The following CTCF variants were observed in gnomAD, a reference collection of about 807,000 sequenced individuals.
CTCF encodes the protein CCCTC-binding factor, also known as transcriptional repressor CTCF.
In CTCF, 7 loss-of-function variants were observed where a neutral mutation model predicts 72.3. The observed-to-expected ratio is 0.10, with a 90% confidence interval of 0.06 to 0.18. The LOEUF is 0.18. Among genes scored for constraint, CTCF ranks in the 10% least tolerant of loss-of-function variants. CTCF has a pLI of 1.00. For synonymous variants in CTCF, 374 were observed against 315.8 expected, an observed-to-expected ratio of 1.18 and a Z score of -1.95; for missense variants, 516 against 949.1, an observed-to-expected ratio of 0.54 and a Z score of 6.00.
At chr16:67,578,061 A>G (rs117432677) in intron 2 of CTCF, among the ~76,000 whole-genome samples, 1 of 152,292 alleles carries the variant, frequency 6.6e-6, no homozygotes, top group Non-Finnish European at 1.5e-5. Context: ...TTGACTTTGC[A>G]CTTTTATTAA....
intron 2 of CTCF, among the ~76,000 whole-genome samples, chr16:67,579,191 G>A (rs1188264704): frequency 6.6e-6 from 1 of 151,430 alleles, no homozygotes; most frequent in Non-Finnish European, 1.5e-5. Context: ...GGAGGTGGAG[G>A]TTGCAGTGAG....
chr16:67,591,529 A>AG (rs2051743826), intron 2 of CTCF, among the ~76,000 whole-genome samples: 1 of 152,180 alleles, frequency 6.6e-6, no homozygotes, highest in Non-Finnish European at 1.5e-5. Flanking sequence ...ATGTATTTTA[A>AG]GCTCTCAGAT....
intron 2 of CTCF, among the ~76,000 whole-genome samples, chr16:67,593,768 A>C (rs1257179954): frequency 6.6e-6 from 1 of 152,182 alleles, no homozygotes; most frequent in Non-Finnish European, 1.5e-5. Context: ...AATGGATAGT[A>C]AGCAGTATAT....
intron 11 of CTCF, 83 bp from the exon 12 acceptor site, chr16:67,637,605 C>T (rs1313170922): frequency 3.5e-6 from 4 of 1,133,752 alleles, no homozygotes; most frequent in Middle Eastern, 4.7e-4. Flanking sequence ...TGCTGACATC[C>T]CGTTCGCTGT....
intron 2 of CTCF, among the ~76,000 whole-genome samples, chr16:67,598,111 G>T (rs779736766): frequency 1.1e-4 from 16 of 151,984 alleles, no homozygotes; most frequent in Admixed American, 6.6e-5. Flanking sequence ...AGGTAGCTGG[G>T]ACTACAGGCA....
intron 8 of CTCF, chr16:67,627,987 C>T (rs2052314160): frequency 6.2e-6 from 1 of 160,468 alleles, no homozygotes; most frequent in African/African-American, 2.5e-5. Context: ...CGCAGCTACT[C>T]AAGAGGCTGA....
chr16:67,617,801 A>G (rs1391849676), intron 5 of CTCF, among the ~76,000 whole-genome samples: 12 of 152,224 alleles, frequency 7.9e-5, no homozygotes, highest in Non-Finnish European at 1.5e-4. Context: ...TTGAAGCTAC[A>G]CTGTTACCAA....
At chr16:67,596,159 G>A (rs182794788) in intron 2 of CTCF, among the ~76,000 whole-genome samples, 2 of 152,130 alleles carry the variant, frequency 1.3e-5, no homozygotes, top group East Asian at 3.9e-4. Flanking sequence ...TCACCATGTT[G>A]GTCAGGATGG....
chr16:67,618,169 T>C (rs574837382), intron 5 of CTCF, among the ~76,000 whole-genome samples: 2 of 151,872 alleles, frequency 1.3e-5, no homozygotes, highest in South Asian at 2.1e-4. Flanking sequence ...CTTTGGGAGG[T>C]TGAGGTGGGC....
At chr16:67,634,866 C>A (rs2052409543) in intron 10 of CTCF, among the ~76,000 whole-genome samples, 1 of 151,460 alleles carries the variant, frequency 6.6e-6, no homozygotes, top group Admixed American at 6.6e-5. Flanking sequence ...CCACACCTAG[C>A]TAATTTTTGT....
At chr16:67,596,554 G>T (rs2051817769) in intron 2 of CTCF, among the ~76,000 whole-genome samples, 2 of 151,526 alleles carry the variant, frequency 1.3e-5, no homozygotes, top group African/African-American at 4.8e-5. Context: ...ACATGTTTTT[G>T]TCATACATAA....
chr16:67,583,120 G>T (rs2051612384), intron 2 of CTCF, among the ~76,000 whole-genome samples: 1 of 151,512 alleles, frequency 6.6e-6, no homozygotes, highest in African/African-American at 2.4e-5. Context: ...AAGTAGCTGG[G>T]ATTACAGGCA....
At chr16:67,620,634 TAC>T in intron 5 of CTCF, 61 bp from the exon 6 acceptor site, 1 of 1,400,256 alleles carries the variant, frequency 7.1e-7, no homozygotes. Flanking sequence ...GTGCCTAACC[TAC>T]TGTGCTCTTG....
At chr16:67,617,076 TTC>T (rs1273782051) in intron 5 of CTCF, among the ~76,000 whole-genome samples, 198 bp downstream of exon 5, 2 of 152,350 alleles carry the variant, frequency 1.3e-5, no homozygotes, top group East Asian at 1.9e-4. Context: ...AGAGTCAAGT[TTC>T]TGGCTGGGTG....
At chr16:67,630,270 A>G (rs1004422701) in intron 10 of CTCF, among the ~76,000 whole-genome samples, 5 of 152,178 alleles carry the variant, frequency 3.3e-5, no homozygotes, top group Admixed American at 6.5e-5. Context: ...ATCTTCACTT[A>G]TGGTTTGACT....
intron 2 of CTCF, among the ~76,000 whole-genome samples, chr16:67,610,195 G>A (rs1166925889): frequency 1.3e-5 from 2 of 151,952 alleles, no homozygotes; most frequent in East Asian, 1.9e-4. Context: ...TGTTTCCCTC[G>A]GTATGGATTT....
intron 2 of CTCF, among the ~76,000 whole-genome samples, chr16:67,602,842 CAAAAAA>C (rs75191313): frequency 1.8e-5 from 1 of 55,352 alleles, no homozygotes; most frequent in African/African-American, 6.3e-5. Context: ...ACTCCATCTC[CAAAAAA>C]AAAAAAAAAA....
chr16:67,602,030 A>G (rs1441942255), intron 2 of CTCF, among the ~76,000 whole-genome samples: 1 of 151,422 alleles, frequency 6.6e-6, no homozygotes, highest in Non-Finnish European at 1.5e-5. Context: ...CAACTGGCTA[A>G]TTTTCGTATT....
rs550254782 is a variant in CTCF at position 67,632,220 on chromosome 16, C to G, written c.1837+2687C>G. On this transcript the variant is annotated intron_variant, in intron 10 of 11. Transcript: ENST00000264010. ...TTGTTCTTAGTTGCAAAGCCGCCTG[C>G]TGCCAGACTCTGTCCTATGTCCTGC... 4.6e-5 allele frequency among the ~76,000 whole-genome samples: 7 copies of G among 152,318 alleles called. No individual in the cohort carries two copies. In the South Asian group the frequency reaches 1.5e-3, roughly 32 times the overall value.
Sources: gnomAD v4.1 joint callset for allele counts (sites outside exome capture counted in the v4.1 genomes callset) on GRCh38, gnomAD v4.1.1 for gene constraint, MANE v1.5 for transcripts, NCBI Gene and HGNC (gene_info 2026-07-23, HGNC 2026-07-21) for gene names.